The following NUP93 variants were observed in gnomAD, a reference collection of about 807,000 sequenced individuals.
NUP93 encodes nuclear pore complex protein Nup93.
In NUP93, 55 loss-of-function variants were observed where a neutral mutation model predicts 107.8. The observed-to-expected ratio is 0.51, with a 90% CI of 0.41 to 0.64. The LOEUF is 0.64. NUP93 is among the 30% of genes least tolerant of loss of function. The probability of loss-of-function intolerance (pLI) is 0.00; values close to 1 mark genes in which losing one functional copy is unlikely to be tolerated. For synonymous variants in NUP93, 390 were observed against 397.5 expected, an observed-to-expected ratio of 0.98 and a Z score of 0.22; for missense variants, 937 against 1,044.7, an observed-to-expected ratio of 0.90 and a Z score of 1.42.
intron 1 of NUP93, among the ~76,000 whole-genome samples, chr16:56,738,725 T>C (rs2144435052): frequency 6.6e-6 from 1 of 152,330 alleles, no homozygotes; most frequent in Admixed American, 6.5e-5. Flanking sequence ...AGTGGAATGA[T>C]ATTGTCATCT....
chr16:56,817,921 C>T lies in NUP93; in HGVS notation c.490-743C>T, dbSNP rs563718074. On this transcript the variant is annotated intron_variant, in intron 5 of 21. Transcript: ENST00000308159. ...GTGTAAGTATACTTTATGAAGTCCA[C>T]ACAATGACGAAATCTCCTAATGATG... 1.7e-4 allele frequency among the ~76,000 whole-genome samples: 26 copies of T among 152,328 alleles called. 1 individual carries two copies. The South Asian group carries it at 5.0e-3, about 29-fold the overall frequency.
At chr16:56,753,167 G>T (rs1961955231) in intron 2 of NUP93, among the ~76,000 whole-genome samples, 1 of 152,176 alleles carries the variant, frequency 6.6e-6, no homozygotes, top group Non-Finnish European at 1.5e-5. Context: ...AGAGTTTCTT[G>T]GAATGGAAGT....
At chr16:56,783,158 C>G (rs1451077390) in intron 3 of NUP93, among the ~76,000 whole-genome samples, 1 of 152,188 alleles carries the variant, frequency 6.6e-6, no homozygotes, top group African/African-American at 2.4e-5. Context: ...TATGATGATG[C>G]ATATGGCTTT....
At position 56,800,689 on chromosome 16, in the gene NUP93, G is replaced by T. The variant is rs973863516; in HGVS notation, c.360+2151G>T. On this transcript the variant is annotated intron_variant, in intron 4 of 21. Coordinates refer to ENST00000308159, the MANE Select transcript of NUP93 (RefSeq NM_014669.5). Reference sequence around the variant, plus strand: ...TGACTATTTCATGTTTGAATAACTTGCCAGTGTCCTGCTGAAATGCCAGGA... The same window carrying T: ...TGACTATTTCATGTTTGAATAACTTTCCAGTGTCCTGCTGAAATGCCAGGA... Among the ~76,000 whole-genome samples the T allele has an allele frequency of 2.6e-5, 4 of 152,216 alleles. No homozygotes were observed. In the East Asian group the frequency reaches 7.7e-4, roughly 29 times the overall value.
chr16:56,809,951 A>C (rs1183541947), intron 5 of NUP93, among the ~76,000 whole-genome samples: 1 of 152,226 alleles, frequency 6.6e-6, no homozygotes, highest in African/African-American at 2.4e-5. Context: ...CTGAGCAAAT[A>C]ATTAGAACAG....
At chr16:56,794,079 T>C (rs1283386691) in intron 3 of NUP93, among the ~76,000 whole-genome samples, 1 of 134,526 alleles carries the variant, frequency 7.4e-6, no homozygotes, top group Admixed American at 7.6e-5. Context: ...GATAGGTAGG[T>C]AGGTAGGTAG....
chr16:56,735,476 C>A (rs1961596440), intron 1 of NUP93, among the ~76,000 whole-genome samples: 1 of 152,162 alleles, frequency 6.6e-6, no homozygotes, highest in Non-Finnish European at 1.5e-5. Context: ...AAGTTAAAAG[C>A]AGTGACTCAC....
chr16:56,793,133 A>C (rs148113639), intron 3 of NUP93, among the ~76,000 whole-genome samples: 119 of 152,290 alleles, frequency 7.8e-4, no homozygotes, highest in South Asian at 2.7e-3. Flanking sequence ...AATGGTGGCT[A>C]TTATGTGTTA....
chr16:56,833,446 G>A, intron 13 of NUP93, 40 bp downstream of exon 13: 1 of 1,462,050 alleles, frequency 6.8e-7, no homozygotes, highest in South Asian at 1.5e-5. Context: ...TGTAACCACA[G>A]CACGTCCCCC....
chr16:56,740,102 G>T (rs1961694931), intron 1 of NUP93, among the ~76,000 whole-genome samples: 1 of 140,498 alleles, frequency 7.1e-6, no homozygotes. Context: ...CTCCCGGACG[G>T]GGCGGCTGGC....
intron 1 of NUP93, among the ~76,000 whole-genome samples, chr16:56,734,441 C>T (rs1961581129): frequency 6.6e-6 from 1 of 152,104 alleles, no homozygotes; most frequent in South Asian, 2.1e-4. Flanking sequence ...GGAGTTGGGT[C>T]GGGGACAGTC....
At chr16:56,808,593 TATAAATAC>T (rs1389783441) in intron 5 of NUP93, among the ~76,000 whole-genome samples, 2 of 130,556 alleles carry the variant, frequency 1.5e-5, no homozygotes, top group Non-Finnish European at 3.1e-5. Context: ...TTTATAAATA[TATAAATAC>T]ATTTATATAA....
chr16:56,808,888 G>A (rs1419096238), intron 5 of NUP93, among the ~76,000 whole-genome samples: 1 of 149,438 alleles, frequency 6.7e-6, no homozygotes, highest in Non-Finnish European at 1.5e-5. Flanking sequence ...AGATATTAAA[G>A]CACCCTGTCC....
chr16:56,841,426 G>A (rs1227323519), intron 20 of NUP93, among the ~76,000 whole-genome samples: 7 of 152,222 alleles, frequency 4.6e-5, no homozygotes, highest in Non-Finnish European at 5.9e-5. Context: ...CTAACCAGAT[G>A]TCAGCATGCT....
chr16:56,807,849 G>A (rs1370223699), intron 5 of NUP93, among the ~76,000 whole-genome samples: 1 of 151,322 alleles, frequency 6.6e-6, no homozygotes, highest in Non-Finnish European at 1.5e-5. Flanking sequence ...GGTGAAACCT[G>A]GTCTCTACTA....
intron 8 of NUP93, among the ~76,000 whole-genome samples, chr16:56,827,070 T>A (rs7190705): frequency 0.029 from 1,752 of 60,786 alleles, 43 homozygotes; most frequent in African/African-American, 0.079. Flanking sequence ...AAAAAAAAAA[T>A]TTTGTTGAGT....
At chr16:56,786,884 G>C (rs1360348745) in intron 3 of NUP93, among the ~76,000 whole-genome samples, 1 of 152,208 alleles carries the variant, frequency 6.6e-6, no homozygotes, top group East Asian at 1.9e-4. Flanking sequence ...TTAGCTCGCT[G>C]TCAGTTTCAG....
In NUP93 at chr16:56,815,899, G is replaced by GCTGC. The variant is rs1555495759; in HGVS notation, c.490-2765_490-2764insCTGC. ...GCTGCTGCTGCTGCTGCTGCTGCTG[G>GCTGC]TGCTGCTGCTGCTGCTGGTGCTGCT... is the stretch of plus-strand genomic sequence containing the variant. On this transcript the variant is annotated intron_variant, in intron 5 of 21. Transcript: ENST00000308159. Among the ~76,000 whole-genome samples the GCTGC allele has an allele frequency of 2.2e-3, 208 of 96,016 alleles. 1 individual carries two copies. Among genetic ancestry groups the GCTGC allele is most frequent in the African/African-American group, 4.8e-3 (119 of 24,734 alleles). The allele number at this position is 96,016 out of a possible 152,430, so 63.0% of individuals were successfully genotyped here. A position where few individuals can be genotyped will look rare whatever the true frequency, so the allele number is the denominator to read the frequency against.
At chr16:56,744,700 C>T (rs1216262428) in intron 1 of NUP93, among the ~76,000 whole-genome samples, 2 of 152,080 alleles carry the variant, frequency 1.3e-5, no homozygotes, top group African/African-American at 2.4e-5. Flanking sequence ...TTTGTAATTC[C>T]GTTCACCTGG....
Sources: allele counts gnomAD v4.1 joint callset (sites outside exome capture counted in the v4.1 genomes callset), GRCh38; gene constraint gnomAD v4.1.1; transcripts MANE v1.5; gene names NCBI Gene and HGNC (gene_info 2026-07-23, HGNC 2026-07-21).